KLHDC10: variants seen among roughly 807,000 people sequenced by gnomAD.
KLHDC10 encodes kelch domain containing 10, also known as kelch domain-containing protein 10.
In KLHDC10, 24 loss-of-function variants were observed where a neutral mutation model predicts 56.1. The observed-to-expected ratio is 0.43, with a 90% CI of 0.31 to 0.60. The LOEUF is 0.60. Among genes scored for constraint, KLHDC10 ranks in the 20% least tolerant of loss-of-function variants. The probability of loss-of-function intolerance (pLI) is 0.11; values close to 1 mark genes in which losing one functional copy is unlikely to be tolerated. For synonymous variants in KLHDC10, 188 were observed against 207.1 expected (o/e 0.91, Z 0.79); for missense variants, 349 against 567.0 (o/e 0.62, Z 3.91).
In KLHDC10 at chr7:130,130,912, C is replaced by A; in HGVS notation, c.*166C>A. 1 of 630,708 alleles carries A rather than the reference C, an allele frequency of 1.6e-6. No individual in the cohort carries two copies. Among genetic ancestry groups the A allele is most frequent in the Non-Finnish European group, 2.8e-6 (1 of 362,618 alleles). The allele number at this position is 630,708 out of a possible 1,614,324, so 39.1% of individuals were successfully genotyped here. ...GTAAATTGGTTTTTCAGTTTATGGACATCTCACTTTCCCACGTGCTTCCTT... is the reference window on the plus strand; with the variant it reads ...GTAAATTGGTTTTTCAGTTTATGGAAATCTCACTTTCCCACGTGCTTCCTT... On this transcript the variant is annotated 3_prime_UTR_variant, in exon 10 of 10. Transcript: ENST00000335420. This position sits in a 1 kb window ranked among gnomAD's most constrained non-coding sequence, Gnocchi z 4.2.
chr7:130,094,877 C>G (rs1274895559), intron 1 of KLHDC10: 1 of 152,028 alleles, frequency 6.6e-6, no homozygotes, highest in African/African-American at 2.4e-5. Flanking sequence ...TTCCATGCAT[C>G]TATGATTGTT....
chr7:130,099,556 G>A (rs1180467919), intron 2 of KLHDC10, among the ~76,000 whole-genome samples: 1 of 152,198 alleles, frequency 6.6e-6, no homozygotes, highest in Non-Finnish European at 1.5e-5. Context: ...GGCTGAGTAG[G>A]TGTCAGCAAA....
In KLHDC10 at chr7:130,088,509, C is replaced by T. The variant is rs189035281; in HGVS notation, c.167-8412C>T. Among the ~76,000 whole-genome samples the T allele has an allele frequency of 1.1e-3, 168 of 152,032 alleles. 1 individual carries two copies. The highest frequency in any genetic ancestry group is 1.8e-3 in the Non-Finnish European group (123 of 67,964). On this transcript the variant is annotated intron_variant, in intron 1 of 9. Transcript: ENST00000335420. ...CAGGCTGGTCTCGAACTCCTGACCT[C>T]GAGTGACCCACCTTCCTCAGCTTCC...
chr7:130,118,465 G>T lies in KLHDC10; in HGVS notation c.475+1799G>T, dbSNP rs117475596. Among the ~76,000 whole-genome samples, 935 of 152,304 alleles carry T rather than the reference G, an allele frequency of 6.1e-3. 4 individuals carry two copies. Among genetic ancestry groups the T allele is most frequent in the Middle Eastern group, 0.024 (7 of 294 alleles). ...AAGGGAATGTTGTAGTTGATCTTCTGTCCAGACCACTTAAACTTTCTGCAT... is the reference window on the plus strand; with the variant it reads ...AAGGGAATGTTGTAGTTGATCTTCTTTCCAGACCACTTAAACTTTCTGCAT... On this transcript the variant is annotated intron_variant, in intron 3 of 9. Coordinates refer to ENST00000335420, the MANE Select transcript of KLHDC10 (RefSeq NM_014997.4).
chr7:130,124,548 A>T lies in KLHDC10; in HGVS notation c.864+13A>T, dbSNP rs1309097644. 2.3e-6 allele frequency: 3 copies of T among 1,320,486 alleles called. No individual in the cohort carries two copies. In the Admixed American group the frequency reaches 5.1e-5, roughly 23 times the overall value. The allele number at this position is 1,320,486 out of a possible 1,614,324, so 81.8% of individuals were successfully genotyped here. A position where few individuals can be genotyped will look rare whatever the true frequency, so the allele number is the denominator to read the frequency against. The stretch of plus-strand genomic sequence containing the variant: ...TTCCTTAAACAAGGTATATTTTTTT[A>T]AAAAGAAAAAAAGGGAGAGGGAGAA... On this transcript the variant is annotated intron_variant, in intron 6 of 9. Coordinates refer to ENST00000335420, the MANE Select transcript of KLHDC10 (RefSeq NM_014997.4).
intron 3 of KLHDC10, among the ~76,000 whole-genome samples, chr7:130,118,936 G>A (rs1429789973): frequency 6.6e-6 from 1 of 152,144 alleles, no homozygotes; most frequent in African/African-American, 2.4e-5. Flanking sequence ...ATCAGTGCTG[G>A]CGTGGTGGCT....
intron 1 of KLHDC10, among the ~76,000 whole-genome samples, chr7:130,077,555 C>CTTTTTTTTTTT (rs1374918216): frequency 2.0e-4 from 22 of 108,100 alleles, no homozygotes; most frequent in Non-Finnish European, 3.6e-4. Flanking sequence ...CTTTTTCTTT[C>CTTTTTTTTTTT]TTTTTTTTTT....
chr7:130,115,432 GA>G (rs2116900232), intron 2 of KLHDC10, among the ~76,000 whole-genome samples: 2 of 151,774 alleles, frequency 1.3e-5, no homozygotes, highest in South Asian at 4.2e-4. Flanking sequence ...TAAACTAGTT[GA>G]GACCGGGTGC....
At chr7:130,108,251 A>G (rs1796044095) in intron 2 of KLHDC10, among the ~76,000 whole-genome samples, 1 of 151,564 alleles carries the variant, frequency 6.6e-6, no homozygotes, top group Non-Finnish European at 1.5e-5. Context: ...AAGAAACTAT[A>G]CTCATGGACA....
At chr7:130,118,231 T>C (rs1175869549) in intron 3 of KLHDC10, among the ~76,000 whole-genome samples, 2 of 152,236 alleles carry the variant, frequency 1.3e-5, no homozygotes, top group Non-Finnish European at 2.9e-5. Flanking sequence ...GCCACTTAGC[T>C]AGATCTTCTG....
intron 3 of KLHDC10, among the ~76,000 whole-genome samples, chr7:130,119,724 A>G (rs1796222271): frequency 6.6e-6 from 1 of 151,326 alleles, no homozygotes; most frequent in Admixed American, 6.6e-5. Context: ...GGCACCTGTA[A>G]TCCCAGCTAC....
intron 1 of KLHDC10, among the ~76,000 whole-genome samples, chr7:130,096,589 G>A (rs201038080): frequency 1.3e-3 from 195 of 152,176 alleles, no homozygotes; most frequent in African/African-American, 4.4e-3. Flanking sequence ...AAATGTCATC[G>A]TTTCTAATCT....
intron 1 of KLHDC10, among the ~76,000 whole-genome samples, chr7:130,078,363 G>T (rs182521812): frequency 3.6e-4 from 55 of 151,896 alleles, no homozygotes; most frequent in African/African-American, 1.3e-3. Context: ...GACAGAGCAA[G>T]ACTCCGTCTC....
At position 130,116,710 on chromosome 7, in the gene KLHDC10, G is replaced by T; in HGVS notation, c.475+44G>T. The T allele has an allele frequency of 6.8e-7, 1 of 1,467,696 alleles. No individual in the cohort carries two copies. Among genetic ancestry groups the T allele is most frequent in the South Asian group, 1.1e-5 (1 of 88,014 alleles). The allele number at this position is 1,467,696 out of a possible 1,614,324, so 90.9% of individuals were successfully genotyped here. ...TAACTCCTGACTTTATGAAATGTCTGAGAAGCCAGGTTCAATGTCCCATAT... is the reference window on the plus strand; with the variant it reads ...TAACTCCTGACTTTATGAAATGTCTTAGAAGCCAGGTTCAATGTCCCATAT... On this transcript the variant is annotated intron_variant, in intron 3 of 9. Transcript: ENST00000335420. The surrounding 1 kb of genome is among the most constrained non-coding windows in gnomAD (Gnocchi z 4.8).
intron 8 of KLHDC10, among the ~76,000 whole-genome samples, chr7:130,128,558 A>AG (rs1297794150): frequency 6.6e-6 from 1 of 152,244 alleles, no homozygotes; most frequent in African/African-American, 2.4e-5. Context: ...AGCTTGGAAG[A>AG]GCCTCTTTTG....
chr7:130,131,096 C>G lies in KLHDC10; in HGVS notation c.*350C>G, dbSNP rs1034742626. On this transcript the variant is annotated 3_prime_UTR_variant, in exon 10 of 10. Transcript: ENST00000335420. ...GAATTCTGAATAGTTCCATGTCATA[C>G]AATATTCTAGAAATTAAAACATCAT... The G allele has an allele frequency of 5.9e-6, 1 of 170,586 alleles. No individual in the cohort carries two copies. Among genetic ancestry groups the G allele is most frequent in the Admixed American group, 5.9e-5 (1 of 16,908 alleles). 10.6% of individuals were successfully genotyped at this position (170,586 alleles called of 1,614,324 possible). A position where few individuals can be genotyped will look rare whatever the true frequency, so the allele number is the denominator to read the frequency against.
chr7:130,124,358 TATAA>T, intron 5 of KLHDC10, 89 bp from the exon 6 acceptor site: 1 of 715,466 alleles, frequency 1.4e-6, no homozygotes, highest in Admixed American at 2.5e-5. Context: ...AACTTATTGT[TATAA>T]ATAATGATGT....
intron 1 of KLHDC10, 144 bp from the exon 2 acceptor site, chr7:130,096,777 G>T (rs1408842294): frequency 1.9e-6 from 1 of 525,576 alleles, no homozygotes; most frequent in Non-Finnish European, 3.4e-6. Flanking sequence ...CCAAAACAGG[G>T]TTAAATGCTA....
At chr7:130,093,733 G>C (rs549893135) in intron 1 of KLHDC10, among the ~76,000 whole-genome samples, 95 of 152,150 alleles carry the variant, frequency 6.2e-4, no homozygotes, top group African/African-American at 2.1e-3. Context: ...TCTGCTCTTT[G>C]GGTGAAAGAA....
Sources: allele counts gnomAD v4.1 joint callset (sites outside exome capture counted in the v4.1 genomes callset), GRCh38; gene constraint gnomAD v4.1.1; non-coding constraint Gnocchi (gnomAD v3.1); transcripts MANE v1.5; gene names NCBI Gene and HGNC (gene_info 2026-07-23, HGNC 2026-07-21).